RNF180: variants seen among roughly 807,000 people sequenced by gnomAD.
RNF180 encodes E3 ubiquitin-protein ligase RNF180.
RNF180 carries 38 observed loss-of-function variants against 59.2 expected under a neutral mutation model. That is an observed-to-expected ratio of 0.64 (90% confidence interval 0.50 to 0.84). The LOEUF (loss-of-function observed/expected upper bound fraction) is 0.84, where lower values mean the gene tolerates loss of function less well. RNF180 is among the 40% of genes least tolerant of loss of function. The pLI is 0.00. For missense variants in RNF180, 705 were observed against 700.9 expected, an observed-to-expected ratio of 1.01 and a Z score of -0.07; for synonymous variants, 262 against 240.3, an observed-to-expected ratio of 1.09 and a Z score of -0.84.
intron 2 of RNF180, among the ~76,000 whole-genome samples, chr5:64,211,747 A>G (rs1752323875): frequency 6.6e-6 from 1 of 152,142 alleles, no homozygotes. Flanking sequence ...GAAAGACACT[A>G]TTTTGTCTCA....
At chr5:64,266,239 C>T (rs1333836383) in intron 5 of RNF180, among the ~76,000 whole-genome samples, 1 of 152,072 alleles carries the variant, frequency 6.6e-6, no homozygotes, top group Admixed American at 6.6e-5. Flanking sequence ...TTGCCCTAGG[C>T]AGGGCAATCT....
chr5:64,265,471 T>C (rs1744608135), intron 5 of RNF180, among the ~76,000 whole-genome samples: 3 of 152,198 alleles, frequency 2.0e-5, no homozygotes, highest in Admixed American at 2.0e-4. Context: ...CAACACAATT[T>C]ATTAAATAGG....
At chr5:64,261,694 A>G (rs1369854167) in intron 5 of RNF180, among the ~76,000 whole-genome samples, 1 of 152,116 alleles carries the variant, frequency 6.6e-6, no homozygotes, top group East Asian at 1.9e-4. Context: ...ATATGTTTTA[A>G]GTAGGGATTT....
chr5:64,213,401 G>A (rs563456153), intron 3 of RNF180, among the ~76,000 whole-genome samples, 157 bp from the exon 4 acceptor site: 1 of 152,186 alleles, frequency 6.6e-6, no homozygotes, highest in Admixed American at 6.5e-5. Flanking sequence ...TGGAAGGCTT[G>A]TTTTATTTGC....
chr5:64,225,721 G>T (rs1389078048), intron 5 of RNF180, among the ~76,000 whole-genome samples: 1 of 141,592 alleles, frequency 7.1e-6, no homozygotes, highest in African/African-American at 2.7e-5. Context: ...CCCCGTCTGG[G>T]AAGTGAGGAG....
At chr5:64,270,196 A>G (rs762555873) in intron 5 of RNF180, among the ~76,000 whole-genome samples, 1 of 151,256 alleles carries the variant, frequency 6.6e-6, no homozygotes. Flanking sequence ...TTTTTAGAGG[A>G]GACTACCGTA....
intron 5 of RNF180, among the ~76,000 whole-genome samples, chr5:64,274,026 AAG>A (rs1329111613): frequency 6.6e-6 from 1 of 152,028 alleles, no homozygotes; most frequent in Non-Finnish European, 1.5e-5. Context: ...CATTATGTGA[AAG>A]AGATTTTCAG....
chr5:64,207,424 C>T (rs926205029), intron 2 of RNF180, among the ~76,000 whole-genome samples: 45 of 152,044 alleles, frequency 3.0e-4, no homozygotes, highest in Non-Finnish European at 8.8e-5. Flanking sequence ...GGTGGATCTC[C>T]GGAACTAAAA....
chr5:64,270,264 C>G (rs1003496797), intron 5 of RNF180, among the ~76,000 whole-genome samples: 2 of 152,102 alleles, frequency 1.3e-5, no homozygotes, highest in Non-Finnish European at 2.9e-5. Context: ...TCACTGTTAC[C>G]AGATTTTACA....
Sources: allele counts gnomAD v4.1 joint callset (sites outside exome capture counted in the v4.1 genomes callset), GRCh38; gene constraint gnomAD v4.1.1; transcripts MANE v1.5; gene names NCBI Gene and HGNC (gene_info 2026-07-23, HGNC 2026-07-21).